VAC14: variants seen among roughly 807,000 people sequenced by gnomAD.
The protein encoded by VAC14 is VAC14 component of PIKFYVE complex, also known as protein VAC14 homolog.
A neutral mutation model predicts 85.3 loss-of-function variants in VAC14; 47 were observed. The observed-to-expected ratio is 0.55, with a 90% CI of 0.44 to 0.70. The LOEUF (loss-of-function observed/expected upper bound fraction) is 0.70, where lower values mean the gene tolerates loss of function less well. Ranked by LOEUF, VAC14 falls within the 30% of genes least tolerant of loss-of-function variation. The pLI is 0.00. For synonymous variants in VAC14, 447 were observed against 430.5 expected (o/e 1.04, Z -0.47); for missense variants, 861 against 1,004.3 (o/e 0.86, Z 1.93).
intron 18 of VAC14, among the ~76,000 whole-genome samples, chr16:70,692,565 C>G (rs1327544108): frequency 6.6e-6 from 1 of 152,210 alleles, no homozygotes; most frequent in African/African-American, 2.4e-5. Flanking sequence ...GAGCTGGACC[C>G]TGATTGCCTG....
chr16:70,769,285 C>A (rs757238256), intron 10 of VAC14: 1 of 155,932 alleles, frequency 6.4e-6, no homozygotes, highest in African/African-American at 2.4e-5. Flanking sequence ...CCTGGGCAGA[C>A]CTGAACTGAG....
intron 18 of VAC14, chr16:70,690,905 C>G: frequency 1.0e-6 from 1 of 985,256 alleles, no homozygotes; most frequent in Non-Finnish European, 1.2e-6. Context: ...GGGGGTGTCT[C>G]ACACACCCAT....
intron 14 of VAC14, chr16:70,716,555 T>C (rs904182145): frequency 3.3e-5 from 5 of 152,284 alleles, no homozygotes; most frequent in Admixed American, 6.5e-5. Flanking sequence ...CCTCAGTTTC[T>C]TTCTGTATGA....
intron 1 of VAC14, 92 bp downstream of exon 1, chr16:70,800,705 A>T (rs1262230789): frequency 8.5e-7 from 1 of 1,169,876 alleles, no homozygotes; most frequent in Non-Finnish European, 1.2e-6. Context: ...AACCTGGGAA[A>T]GTAACCCTGG....
chr16:70,704,173 G>A (rs557895565), intron 14 of VAC14, among the ~76,000 whole-genome samples: 1 of 152,346 alleles, frequency 6.6e-6, no homozygotes, highest in East Asian at 1.9e-4. Context: ...CCTGGGCCAG[G>A]GTGGGCAGGA....
At chr16:70,731,965 A>AT (rs1458791784) in intron 13 of VAC14, among the ~76,000 whole-genome samples, 1 of 152,142 alleles carries the variant, frequency 6.6e-6, no homozygotes, top group African/African-American at 2.4e-5. Context: ...AGGTGCCATG[A>AT]TTTTTTTAAA....
chr16:70,771,932 G>A, intron 10 of VAC14, 177 bp downstream of exon 10: 1 of 614,332 alleles, frequency 1.6e-6, no homozygotes, highest in Non-Finnish European at 2.9e-6. Context: ...GGTGGGGTGG[G>A]CTTGCTCAGT....
At chr16:70,794,289 C>T (rs1490913478) in intron 1 of VAC14, among the ~76,000 whole-genome samples, 1 of 152,214 alleles carries the variant, frequency 6.6e-6, no homozygotes, top group Non-Finnish European at 1.5e-5. Flanking sequence ...GGCAGTCACT[C>T]CCCATTCCCC....
rs138392656 is a variant in VAC14 at position 70,730,344 on chromosome 16, G to A, written c.1661+1151C>T. On this transcript the variant is annotated intron_variant, in intron 14 of 18. Coordinates refer to ENST00000261776, the MANE Select transcript of VAC14 (RefSeq NM_018052.5). ...TGTCAGTGCCTCCGTGCTGACCCCT[G>A]AGTAAGGTCTCTGATCCTCACTGTG... is the stretch of plus-strand genomic sequence containing the variant. Among the ~76,000 whole-genome samples, 81 of 151,988 alleles carry A rather than the reference G, an allele frequency of 5.3e-4. 1 individual carries two copies. The Middle Eastern group carries it at 0.031, about 57-fold the overall frequency.
chr16:70,723,217 G>A lies in VAC14; in HGVS notation c.1661+8278C>T, dbSNP rs1274334717. On this transcript the variant is annotated intron_variant, in intron 14 of 18. Transcript: ENST00000261776. ...ATTCTGGGTGACTGAGTGAGACCCT[G>A]TCTCAAAAGAAAAAAAAAAAGATTT... 2.0e-5 allele frequency among the ~76,000 whole-genome samples: 3 copies of A among 149,472 alleles called. No homozygotes were observed. In the Admixed American group the frequency reaches 2.1e-4, roughly 10 times the overall value.
At position 70,791,549 on chromosome 16, in the gene VAC14, T is replaced by G. The variant is rs1351238552; in HGVS notation, c.105-5184A>C. On this transcript the variant is annotated intron_variant, in intron 1 of 18. Transcript: ENST00000261776. ...ACAGGCGCCTGCCATCACGCCTGGCTAATTTTTTCTATTTTTAGTAGAGAC... is the reference window on the plus strand; with the variant it reads ...ACAGGCGCCTGCCATCACGCCTGGCGAATTTTTTCTATTTTTAGTAGAGAC... Among the ~76,000 whole-genome samples the G allele has an allele frequency of 2.0e-4, 31 of 152,286 alleles. 1 individual carries two copies. The highest frequency in any genetic ancestry group is 2.1e-4 in the Non-Finnish European group (14 of 68,020).
chr16:70,704,960 G>A, intron 14 of VAC14, among the ~76,000 whole-genome samples: 1 of 152,216 alleles, frequency 6.6e-6, no homozygotes, highest in East Asian at 1.9e-4. Context: ...TGCACCCTCT[G>A]AAAACAGGAC....
Position 70,698,814 on chromosome 16 carries a change from G to C in VAC14, c.1662-3C>G. 6.2e-7 allele frequency: 1 copy of C among 1,613,610 alleles called. No individual in the cohort carries two copies. Among genetic ancestry groups the C allele is most frequent in the Non-Finnish European group, 8.5e-7 (1 of 1,179,936 alleles). ...CATTCAGCAGGAGGCACAGCTGCCT[G>C]GAGAGCAGGCAGACTGGGGTCAGGG... On this transcript the variant is annotated splice_region_variant and splice_polypyrimidine_tract_variant and intron_variant, in intron 14 of 18. Transcript: ENST00000261776.
chr16:70,687,806 G>A lies in VAC14; in HGVS notation c.*122C>T. ...CACAGCAGCCTCCGGCCCCAACACT[G>A]CCCTGGGTTGGCAGGCCCAGCCCTG... On this transcript the variant is annotated 3_prime_UTR_variant, in exon 19 of 19. Coordinates refer to ENST00000261776, the MANE Select transcript of VAC14 (RefSeq NM_018052.5). 1 of 1,134,480 alleles carries A rather than the reference G, an allele frequency of 8.8e-7. No homozygotes were observed. Among genetic ancestry groups the A allele is most frequent in the Non-Finnish European group, 1.1e-6 (1 of 875,500 alleles). The allele number at this position is 1,134,480 out of a possible 1,614,324, so 70.3% of individuals were successfully genotyped here.
chr16:70,781,283 C>G (rs2033797399), intron 8 of VAC14, among the ~76,000 whole-genome samples: 1 of 152,174 alleles, frequency 6.6e-6, no homozygotes, highest in Non-Finnish European at 1.5e-5. Context: ...TGGCACCATG[C>G]CTCCTGTAGA....
intron 5 of VAC14, among the ~76,000 whole-genome samples, chr16:70,783,769 G>A (rs2033924164): frequency 6.6e-6 from 1 of 152,178 alleles, no homozygotes; most frequent in Non-Finnish European, 1.5e-5. Flanking sequence ...AAGGAAATTC[G>A]GATGCCCAGG....
rs372860764 is a variant in VAC14, at chr16:70,753,011, G to GGTGTGTGTGT, written c.1372-8442_1372-8433dup. On this transcript the variant is annotated intron_variant, in intron 12 of 18. Transcript: ENST00000261776. ...CCAGCCTTGATGTGCAGGAGGAGGG[G>GGTGTGTGTGT]GTGTGTGTGTGTGTGTGTGTGTGTG... Among the ~76,000 whole-genome samples, 311 of 143,070 alleles carry GGTGTGTGTGT rather than the reference G, an allele frequency of 2.2e-3. 4 individuals are homozygous for GGTGTGTGTGT. The highest frequency in any genetic ancestry group is 3.5e-3 in the Middle Eastern group (1 of 284). 93.9% of individuals were successfully genotyped at this position (143,070 alleles called of 152,430 possible).
intron 12 of VAC14, among the ~76,000 whole-genome samples, chr16:70,748,598 G>A (rs2031112354): frequency 6.6e-6 from 1 of 152,242 alleles, no homozygotes; most frequent in African/African-American, 2.4e-5. Flanking sequence ...GGCCAGAGGT[G>A]AGGGTATGGC....
chr16:70,731,237 G>C (rs1438578023), intron 14 of VAC14: 7 of 1,193,636 alleles, frequency 5.9e-6, no homozygotes, highest in Non-Finnish European at 7.4e-6. Flanking sequence ...TCCACCTCAG[G>C]GGAAGATAGT....
Sources: allele counts gnomAD v4.1 joint callset (sites outside exome capture counted in the v4.1 genomes callset), GRCh38; gene constraint gnomAD v4.1.1; transcripts MANE v1.5; gene names NCBI Gene and HGNC (gene_info 2026-07-23, HGNC 2026-07-21).